Variants in FAM83G observed in about 807,000 individuals in gnomAD.
FAM83G encodes scaffolding CK1 anchoring protein G.
Under a neutral mutation model 61.5 loss-of-function variants are expected in FAM83G, and 38 were observed. That is an observed-to-expected ratio of 0.62 (90% CI 0.48 to 0.81). The LOEUF is 0.81. Among genes scored for constraint, FAM83G ranks in the 30% least tolerant of loss-of-function variants. The pLI is 0.00. For missense variants in FAM83G, 989 were observed against 1,133.6 expected, an observed-to-expected ratio of 0.87 and a Z score of 1.83; for synonymous variants, 470 against 476.1, an observed-to-expected ratio of 0.99 and a Z score of 0.17.
In FAM83G at chr17:19,003,426, T is replaced by C. The variant is rs1170321466; in HGVS notation, c.522+94A>G. The C allele has an allele frequency of 1.3e-5, 18 of 1,335,830 alleles. No homozygotes were observed. In the Admixed American group the frequency reaches 3.1e-4, roughly 23 times the overall value. 82.7% of individuals were successfully genotyped at this position (1,335,830 alleles called of 1,614,324 possible). On this transcript the variant is annotated intron_variant, in intron 2 of 5. Transcript: ENST00000388995. The surrounding 1 kb of genome is among the most constrained non-coding windows in gnomAD (Gnocchi z 4.5). ...CAGCAGAGATCCCTAGAAGCCCATG[T>C]TGGGCTCCCGTTTTGGGCTCTGAGT...
In FAM83G at chr17:18,978,836, G is replaced by A. The variant is rs1453670340; in HGVS notation, c.830C>T (p.Ala277Val). 6.2e-7 allele frequency: 1 copy of A among 1,611,920 alleles called. No homozygotes were observed. The highest frequency in any genetic ancestry group is 8.5e-7 in the Non-Finnish European group (1 of 1,179,146). ...GATCACATTCCGGTCCGTCCGCGCG[G>A]CCGACCACGTGAAGCTGCAACAGAG... ...VCGSYSFTWS[A>V]ARTDRNVISV... is the part of the protein sequence containing the mutation. The change falls in exon 5 of 6, where the codon GCC becomes GTC. Residue 277 changes from alanine (A) to valine (V), a missense_variant. Physicochemically the swap from Ala to Val is moderately conservative, Grantham distance 64 (BLOSUM62 0). This residue lies in a region of FAM83G where 371 missense variants were observed against 404.5 expected (regional missense o/e 0.92). Coordinates refer to ENST00000388995, the MANE Select transcript of FAM83G (RefSeq NM_001039999.3).
rs1555572214 is a variant in FAM83G at position 18,971,375 on chromosome 17, T to TGGC, written c.2455_2456insGCC (p.Asp819delinsGlyHis). 6.2e-7 allele frequency: 1 copy of TGGC among 1,611,994 alleles called. No homozygotes were observed. The highest frequency in any genetic ancestry group is 1.1e-5 in the South Asian group (1 of 90,956). On this transcript the variant is annotated protein_altering_variant, in exon 6 of 6. Transcript: ENST00000388995. The surrounding 1 kb of genome is among the most constrained non-coding windows in gnomAD (Gnocchi z 5.5). ...GACATGCTGCTAGGGGTCTTTGCGGTCCCGGGGGGCTTGAGCCCTCCGTTT... is the reference window on the plus strand; with the variant it reads ...GACATGCTGCTAGGGGTCTTTGCGGTGGCCCCGGGGGGCTTGAGCCCTCCGTTT...
At chr17:18,993,067 G>T (rs886283) in intron 2 of FAM83G, among the ~76,000 whole-genome samples, 1 of 152,104 alleles carries the variant, frequency 6.6e-6, no homozygotes, top group African/African-American at 2.4e-5. Context: ...GGGGTGGGGC[G>T]AGACGGGCTG....
chr17:19,002,592 T>TA (rs1472650476), intron 2 of FAM83G, among the ~76,000 whole-genome samples: 1 of 152,202 alleles, frequency 6.6e-6, no homozygotes, highest in Non-Finnish European at 1.5e-5. Flanking sequence ...TCAGAATCCT[T>TA]CTCAACACAG....
chr17:19,004,203 G>C lies in FAM83G; in HGVS notation c.-128-34C>G, dbSNP rs1205589387. ...AAGACCTGATGAGCCCGGCTCGGCGGGGAGGGCGGGCCGCGCGGGGAGGGG... is the reference window on the plus strand; with the variant it reads ...AAGACCTGATGAGCCCGGCTCGGCGCGGAGGGCGGGCCGCGCGGGGAGGGG... On this transcript the variant is annotated intron_variant, in intron 1 of 5. Transcript: ENST00000388995. The surrounding 1 kb of genome is among the most constrained non-coding windows in gnomAD (Gnocchi z 5.4). 2 of 651,478 alleles carry C rather than the reference G, an allele frequency of 3.1e-6. No homozygotes were observed. The highest frequency in any genetic ancestry group is 2.4e-6 in the Non-Finnish European group (1 of 409,350). 40.4% of individuals were successfully genotyped at this position (651,478 alleles called of 1,614,324 possible).
At position 18,978,143 on chromosome 17, in the gene FAM83G, C is replaced by T. The variant is rs779008471; in HGVS notation, c.1523G>A (p.Arg508Gln). The T allele has an allele frequency of 2.0e-5, 31 of 1,529,300 alleles. No homozygotes were observed. Among genetic ancestry groups the T allele is most frequent in the African/African-American group, 1.1e-4 (8 of 72,548 alleles). The allele number at this position is 1,529,300 out of a possible 1,614,324, so 94.7% of individuals were successfully genotyped here. The change falls in exon 5 of 6, where the codon CGG becomes CAG. Residue 508 changes from arginine to glutamine, a missense_variant. By Grantham distance (43) the Arg-to-Gln change is conservative (BLOSUM62 1). Around this residue, in one of 3 missense-constraint regions of FAM83G, gnomAD observed 574 missense variants for 645.1 expected, o/e 0.89. Coordinates refer to ENST00000388995, the MANE Select transcript of FAM83G (RefSeq NM_001039999.3). ...TAGTACATCTGCCACAGGGACTGTC[C>T]GGGGCTTGGGCACGGGGGGCAATGG... ...PEPLPPVPKPRTVPVADVLAR... is the reference protein window; with the variant it reads ...PEPLPPVPKPQTVPVADVLAR...
chr17:18,997,633 G>A (rs145541414), intron 2 of FAM83G, among the ~76,000 whole-genome samples: 1 of 152,214 alleles, frequency 6.6e-6, no homozygotes, highest in Non-Finnish European at 1.5e-5. Context: ...CTTGCCCAAG[G>A]TCACAAAGCA....
intron 3 of FAM83G, among the ~76,000 whole-genome samples, chr17:18,982,891 C>T (rs935375005): frequency 3.9e-5 from 6 of 152,226 alleles, no homozygotes; most frequent in Non-Finnish European, 7.3e-5. Flanking sequence ...TCAGTTTTCT[C>T]ATCTATGAAA....
In FAM83G at chr17:19,003,346, C is replaced by A. The variant is rs2043780490; in HGVS notation, c.522+174G>T. ...GGAACCCTACCCTGCAAAGAAACTGCGGATCCCCACGAAGGTGGGGAGGAA... is the reference window on the plus strand; with the variant it reads ...GGAACCCTACCCTGCAAAGAAACTGAGGATCCCCACGAAGGTGGGGAGGAA... On this transcript the variant is annotated intron_variant, in intron 2 of 5. Transcript: ENST00000388995. This position sits in a 1 kb window ranked among gnomAD's most constrained non-coding sequence, Gnocchi z 4.5. 6.6e-6 allele frequency among the ~76,000 whole-genome samples: 1 copy of A among 151,988 alleles called. No individual in the cohort carries two copies.
At chr17:18,990,662 T>G (rs915465667) in intron 2 of FAM83G, among the ~76,000 whole-genome samples, 8 of 152,204 alleles carry the variant, frequency 5.3e-5, no homozygotes, top group African/African-American at 1.9e-4. Flanking sequence ...AGGTTGGATA[T>G]GTTGGAGCCT....
chr17:18,972,591 G>A (rs756954266), intron 5 of FAM83G, among the ~76,000 whole-genome samples: 40 of 152,170 alleles, frequency 2.6e-4, no homozygotes, highest in Non-Finnish European at 4.9e-4. Context: ...GGCCGGGGGC[G>A]GTGGCTCAAG....
chr17:18,994,064 A>T (rs1416882637), intron 2 of FAM83G, among the ~76,000 whole-genome samples: 1 of 152,200 alleles, frequency 6.6e-6, no homozygotes, highest in Non-Finnish European at 1.5e-5. Flanking sequence ...GAAGGCTGTA[A>T]GTGACGCATC....
At chr17:19,002,438 G>A (rs989397314) in intron 2 of FAM83G, among the ~76,000 whole-genome samples, 1 of 152,196 alleles carries the variant, frequency 6.6e-6, no homozygotes, top group African/African-American at 2.4e-5. Flanking sequence ...ACTTCCCCAA[G>A]GCCCTGTCAG....
rs758937925 is a variant in FAM83G at position 18,970,913 on chromosome 17, T to C, written c.*446A>G. ...TGAGGTGGAAAAAACTCAAGTTTGA[T>C]GCATCAGGAAGTTTCTTGTGAGATG... On this transcript the variant is annotated 3_prime_UTR_variant, in exon 6 of 6. Transcript: ENST00000388995. 22 of 1,092,502 alleles carry C rather than the reference T, an allele frequency of 2.0e-5. No homozygotes were observed. The highest frequency in any genetic ancestry group is 3.0e-5 in the Non-Finnish European group (22 of 730,180). 67.7% of individuals were successfully genotyped at this position (1,092,502 alleles called of 1,614,324 possible).
At chr17:18,979,318 C>G (rs1597852006) in intron 4 of FAM83G, 2 of 590,362 alleles carry the variant, frequency 3.4e-6, no homozygotes, top group East Asian at 6.2e-5. Flanking sequence ...TGGCCACACC[C>G]CACCTCCAGG....
intron 2 of FAM83G, among the ~76,000 whole-genome samples, chr17:18,989,147 C>G (rs906604384): frequency 6.6e-6 from 1 of 152,206 alleles, no homozygotes; most frequent in Non-Finnish European, 1.5e-5. Context: ...AGACACATGT[C>G]CCACTTTTGG....
chr17:18,969,382 G>A lies in FAM83G; in HGVS notation c.*1977C>T, dbSNP rs750951541. On this transcript the variant is annotated 3_prime_UTR_variant, in exon 6 of 6. Transcript: ENST00000388995. Reference sequence around the variant, plus strand: ...TAATCTACACGGACGCCCTGCAGACGCTCATCATGGTGGTGGGGGCTGTCA... The same window carrying A: ...TAATCTACACGGACGCCCTGCAGACACTCATCATGGTGGTGGGGGCTGTCA... 3.5e-5 allele frequency: 56 copies of A among 1,613,674 alleles called. No homozygotes were observed. The South Asian group carries it at 3.5e-4, about 10-fold the overall frequency.
At chr17:18,977,130 C>G in intron 5 of FAM83G, 1 of 1,162,320 alleles carries the variant, frequency 8.6e-7, no homozygotes, top group Non-Finnish European at 1.2e-6. Flanking sequence ...GAGTGGTCCT[C>G]AGGGCCACAA....
chr17:18,976,518 A>C, intron 5 of FAM83G: 1 of 292,148 alleles, frequency 3.4e-6, no homozygotes, highest in Admixed American at 4.6e-5. Flanking sequence ...GTAGGGGTGT[A>C]TGTCCCCATA....
Sources: gnomAD v4.1 joint callset for allele counts (sites outside exome capture counted in the v4.1 genomes callset) on GRCh38, gnomAD v4.1.1 for gene constraint, gnomAD v4.1.1 regional missense constraint, Gnocchi (gnomAD v3.1) non-coding constraint, MANE v1.5 for transcripts, NCBI Gene and HGNC (gene_info 2026-07-23, HGNC 2026-07-21) for gene names.